ATG13: variants seen among roughly 807,000 people sequenced by gnomAD.
ATG13 encodes autophagy-related protein 13.
ATG13 carries 23 observed loss-of-function variants against 65.5 expected under a neutral mutation model. The observed-to-expected ratio is 0.35, with a 90% CI of 0.25 to 0.50. The LOEUF is 0.50. Ranked by LOEUF, ATG13 falls within the 20% of genes least tolerant of loss-of-function variation. ATG13 has a pLI of 0.98. For synonymous variants in ATG13, 252 were observed against 245.2 expected, an observed-to-expected ratio of 1.03 and a Z score of -0.26; for missense variants, 566 against 677.0, an observed-to-expected ratio of 0.84 and a Z score of 1.82.
intron 2 of ATG13, among the ~76,000 whole-genome samples, chr11:46,635,682 G>A (rs868398526): frequency 6.6e-6 from 1 of 152,194 alleles, no homozygotes; most frequent in African/African-American, 2.4e-5. Flanking sequence ...TCTTGTAGAG[G>A]ATGAATTGAC....
At chr11:46,648,799 A>G (rs1166376869) in intron 5 of ATG13, 4 of 154,330 alleles carry the variant, frequency 2.6e-5, no homozygotes, top group Non-Finnish European at 4.2e-5. Flanking sequence ...AAAAAAAAAA[A>G]GAGAGAGAGA....
In ATG13 at chr11:46,657,687, C is replaced by T. The variant is rs533156439; in HGVS notation, c.695+65C>T. Reference sequence around the variant, plus strand: ...GGCAGAAGCATCCATCCTGCACAAGCACATGGAACACTTTTCTCAGCACTC... The same window carrying T: ...GGCAGAAGCATCCATCCTGCACAAGTACATGGAACACTTTTCTCAGCACTC... On this transcript the variant is annotated intron_variant, in intron 10 of 18. Coordinates refer to ENST00000683050, the MANE Select transcript of ATG13 (RefSeq NM_001346311.2). The T allele has an allele frequency of 1.0e-5, 14 of 1,364,994 alleles. No homozygotes were observed. The African/African-American group carries it at 1.8e-4, about 17-fold the overall frequency. 84.6% of individuals were successfully genotyped at this position (1,364,994 alleles called of 1,614,324 possible).
intron 14 of ATG13, among the ~76,000 whole-genome samples, 154 bp downstream of exon 14, chr11:46,665,673 G>A (rs188840144): frequency 1.3e-5 from 2 of 152,286 alleles, no homozygotes; most frequent in Admixed American, 6.5e-5. Flanking sequence ...GCTGGGAGTG[G>A]TGGCTCACAC....
At chr11:46,646,043 T>A in intron 5 of ATG13, 54 bp downstream of exon 5, 1 of 1,606,034 alleles carries the variant, frequency 6.2e-7, no homozygotes, top group Non-Finnish European at 8.5e-7. Context: ...CTCCTCACAC[T>A]CTGAGTCCAG....
At chr11:46,661,517 C>A (rs74748661) in intron 11 of ATG13, among the ~76,000 whole-genome samples, 572 of 106,244 alleles carry the variant, frequency 5.4e-3, no homozygotes, top group Middle Eastern at 9.4e-3. Context: ...GACTCCGTCT[C>A]AAAAAAAAAA....
Position 46,667,723 on chromosome 11 carries a change from C to T in ATG13, c.1137-50C>T, listed in dbSNP as rs369236926. 3.1e-5 allele frequency: 45 copies of T among 1,430,720 alleles called. 1 individual carries two copies. The Middle Eastern group carries it at 7.2e-4, about 23-fold the overall frequency. 88.6% of individuals were successfully genotyped at this position (1,430,720 alleles called of 1,614,324 possible). On this transcript the variant is annotated intron_variant, in intron 14 of 18. Coordinates refer to ENST00000683050, the MANE Select transcript of ATG13 (RefSeq NM_001346311.2). ...ATGGTGTATTTATAGTGAACTAAGT[C>T]GTCCTGCTGTGGTTTGAGAACGAGT...
At chr11:46,637,301 A>G (rs2054296050) in intron 2 of ATG13, among the ~76,000 whole-genome samples, 1 of 152,220 alleles carries the variant, frequency 6.6e-6, no homozygotes, top group Non-Finnish European at 1.5e-5. Flanking sequence ...GATGGGATGC[A>G]GTGGTGCAAT....
intron 2 of ATG13, among the ~76,000 whole-genome samples, chr11:46,636,452 G>A (rs2053989022): frequency 1.3e-5 from 2 of 151,542 alleles, no homozygotes; most frequent in Admixed American, 6.6e-5. Flanking sequence ...CAGCTACTCA[G>A]GAGACTGAGG....
In ATG13 at chr11:46,639,218, C is replaced by A. The variant is rs1472166708; in HGVS notation, c.-13-5061C>A. Among the ~76,000 whole-genome samples the A allele has an allele frequency of 4.6e-5, 7 of 152,162 alleles. No homozygotes were observed. In the East Asian group the frequency reaches 9.6e-4, roughly 21 times the overall value. Reference sequence around the variant, plus strand: ...GGCTGGGCTGGTCTCGAACTCCTGACCTCATGATCCGCCTACCTTGGCCTC... The same window carrying A: ...GGCTGGGCTGGTCTCGAACTCCTGAACTCATGATCCGCCTACCTTGGCCTC... On this transcript the variant is annotated intron_variant, in intron 2 of 18. Transcript: ENST00000683050.
intron 1 of ATG13, among the ~76,000 whole-genome samples, chr11:46,620,004 G>A (rs535376223): frequency 8.8e-5 from 13 of 147,552 alleles, no homozygotes; most frequent in African/African-American, 2.3e-4. Flanking sequence ...ACTCCAGCCC[G>A]GGAGACAGCG....
intron 2 of ATG13, among the ~76,000 whole-genome samples, chr11:46,639,019 G>A (rs971976483): frequency 4.6e-5 from 7 of 151,468 alleles, no homozygotes; most frequent in Admixed American, 6.6e-5. Flanking sequence ...AAGGAGTCTC[G>A]CTCTGTTGCC....
intron 1 of ATG13, among the ~76,000 whole-genome samples, chr11:46,624,129 T>G (rs1463809662): frequency 6.6e-6 from 1 of 151,878 alleles, no homozygotes; most frequent in Non-Finnish European, 1.5e-5. Flanking sequence ...CTCAGCCTCC[T>G]GAGTAGCTGG....
intron 2 of ATG13, among the ~76,000 whole-genome samples, chr11:46,638,949 A>G (rs2054930689): frequency 6.6e-6 from 1 of 151,954 alleles, no homozygotes; most frequent in Admixed American, 6.6e-5. Context: ...CTGGGACTAC[A>G]GGCATGTGCC....
intron 18 of ATG13, 57 bp from the exon 19 acceptor site, chr11:46,672,198 G>T (rs2063904318): frequency 6.2e-7 from 1 of 1,612,212 alleles, no homozygotes; most frequent in Non-Finnish European, 8.5e-7. Context: ...GACTGGGCTG[G>T]CTGCCTCCTC....
chr11:46,656,905 A>G lies in ATG13; in HGVS notation c.500-190A>G, dbSNP rs144335066. 561 of 584,000 alleles carry G rather than the reference A, an allele frequency of 9.6e-4. 3 individuals carry two copies. In the African/African-American group the frequency reaches 9.9e-3, roughly 10 times the overall value. 36.2% of individuals were successfully genotyped at this position (584,000 alleles called of 1,614,324 possible). ...ATACATTGAGAGGGAAGAAACCTATATATACACACACATACACGCACATAC... is the reference window on the plus strand; with the variant it reads ...ATACATTGAGAGGGAAGAAACCTATGTATACACACACATACACGCACATAC... On this transcript the variant is annotated intron_variant, in intron 8 of 18. Coordinates refer to ENST00000683050, the MANE Select transcript of ATG13 (RefSeq NM_001346311.2).
chr11:46,624,104 A>T (rs1023897878), intron 1 of ATG13, among the ~76,000 whole-genome samples: 1 of 151,764 alleles, frequency 6.6e-6, no homozygotes, highest in South Asian at 2.1e-4. Flanking sequence ...TCCTGGGTTC[A>T]AACGATTCTC....
chr11:46,659,286 A>G, intron 10 of ATG13, 106 bp from the exon 11 acceptor site: 1 of 856,486 alleles, frequency 1.2e-6, no homozygotes, highest in Non-Finnish European at 1.9e-6. Context: ...AACTGTGTGA[A>G]ACCGTTCTTA....
In ATG13 at chr11:46,669,538, G is replaced by A; in HGVS notation, c.1575+6G>A. On this transcript the variant is annotated splice_donor_region_variant and intron_variant, in intron 18 of 18. Transcript: ENST00000683050. ...AGTCCATGGCTGAAGACTTGGTATGGAAACGTCTTCCTCTACCACAGTGCA... is the reference window on the plus strand; with the variant it reads ...AGTCCATGGCTGAAGACTTGGTATGAAAACGTCTTCCTCTACCACAGTGCA... The A allele has an allele frequency of 6.2e-7, 1 of 1,613,844 alleles. No individual in the cohort carries two copies. Among genetic ancestry groups the A allele is most frequent in the Non-Finnish European group, 8.5e-7 (1 of 1,179,806 alleles).
intron 1 of ATG13, chr11:46,621,213 C>A (rs2047390572): frequency 6.6e-6 from 1 of 152,132 alleles, no homozygotes; most frequent in African/African-American, 2.4e-5. Context: ...CTGGATTTCT[C>A]CATGTTGGTC....
Sources: gnomAD v4.1 joint callset for allele counts (sites outside exome capture counted in the v4.1 genomes callset) on GRCh38, gnomAD v4.1.1 for gene constraint, MANE v1.5 for transcripts, NCBI Gene and HGNC (gene_info 2026-07-23, HGNC 2026-07-21) for gene names.